CFAP74: variants seen among roughly 807,000 people sequenced by gnomAD.
The protein encoded by CFAP74 is cilia and flagella associated protein 74.
A neutral mutation model predicts 188.9 loss-of-function variants in CFAP74; 124 were observed. The observed-to-expected ratio is 0.66, with a 90% confidence interval of 0.57 to 0.76. CFAP74 has a LOEUF of 0.76. Ranked by LOEUF, CFAP74 falls within the 30% of genes least tolerant of loss-of-function variation. CFAP74 has a pLI of 0.00. For synonymous variants in CFAP74, 956 were observed against 916.7 expected, an observed-to-expected ratio of 1.04 and a Z score of -0.77; for missense variants, 2,198 against 2,165.2, an observed-to-expected ratio of 1.02 and a Z score of -0.30.
At chr1:1,957,213 G>A (rs991126630) in intron 16 of CFAP74, among the ~76,000 whole-genome samples, 3 of 152,192 alleles carry the variant, frequency 2.0e-5, no homozygotes, top group African/African-American at 4.8e-5. Context: ...CACCATGCCC[G>A]CTGTGGGCCA....
intron 10 of CFAP74, among the ~76,000 whole-genome samples, chr1:1,969,971 A>G (rs1655818440): frequency 6.6e-6 from 1 of 152,212 alleles, no homozygotes; most frequent in African/African-American, 2.4e-5. Flanking sequence ...CGTGGAGGTC[A>G]CTGGGGAGCG....
In CFAP74 at chr1:1,991,847, G is replaced by A. The variant is rs540398688; in HGVS notation, c.-19-872C>T. On this transcript the variant is annotated intron_variant, in intron 1 of 38. Transcript: ENST00000682832. Reference sequence around the variant, plus strand: ...GAGGTCAGGAGATCGAGACTATCCTGGCTAGCACAGTGAAACCCCATCTCT... The same window carrying A: ...GAGGTCAGGAGATCGAGACTATCCTAGCTAGCACAGTGAAACCCCATCTCT... Among the ~76,000 whole-genome samples, 1,020 of 151,972 alleles carry A rather than the reference G, an allele frequency of 6.7e-3. 7 individuals carry two copies. The highest frequency in any genetic ancestry group is 0.01 in the Non-Finnish European group (713 of 67,954).
chr1:1,930,428 C>T (rs977229865), intron 25 of CFAP74, 92 bp from the exon 26 acceptor site: 2 of 1,290,822 alleles, frequency 1.5e-6, no homozygotes, highest in Non-Finnish European at 2.1e-6. Flanking sequence ...AGGACAAGCC[C>T]CGGGGGGGGC....
chr1:1,997,278 CA>C (rs1284383415), intron 1 of CFAP74, among the ~76,000 whole-genome samples: 1 of 151,954 alleles, frequency 6.6e-6, no homozygotes, highest in African/African-American at 2.4e-5. Flanking sequence ...CAAAATTAGC[CA>C]GGCGTGGTGG....
At chr1:1,931,434 A>T (rs1370968723) in intron 25 of CFAP74, among the ~76,000 whole-genome samples, 40 of 65,230 alleles carry the variant, frequency 6.1e-4, no homozygotes, top group African/African-American at 2.1e-3. Flanking sequence ...CATCTCAATA[A>T]AAAAAAAAAA....
At chr1:1,987,120 T>C in intron 4 of CFAP74, 85 bp from the exon 5 acceptor site, 1 of 1,161,920 alleles carries the variant, frequency 8.6e-7, no homozygotes, top group Non-Finnish European at 1.2e-6. Flanking sequence ...TGGGGCCAGG[T>C]GAGGCAGAGC....
intron 20 of CFAP74, among the ~76,000 whole-genome samples, chr1:1,945,952 CTGTG>C (rs912105051): frequency 2.4e-5 from 3 of 125,610 alleles, no homozygotes; most frequent in Non-Finnish European, 4.9e-5. Flanking sequence ...TGTGGGGGCT[CTGTG>C]TATGTGCGTT....
At position 1,963,793 on chromosome 1, in the gene CFAP74, C is replaced by T. The variant is rs1295482452; in HGVS notation, c.1650G>A (p.Lys550=). The T allele has an allele frequency of 6.2e-7, 1 of 1,613,960 alleles. No homozygotes were observed. The highest frequency in any genetic ancestry group is 2.2e-5 in the East Asian group (1 of 44,900). The change falls in exon 14 of 39, where the codon AAG becomes AAA. Residue 550 remains lysine (K), a synonymous_variant. Transcript: ENST00000682832. ...VNTTYTINYC[K]LVGVEEHLRD... ...GGAGGTGCTCCTCCACGCCCACCAG[C>T]TTGCAGTAGTTGATCGTGTAGGTGG...
chr1:1,949,325 A>T (rs950984610), intron 18 of CFAP74, among the ~76,000 whole-genome samples: 15 of 151,654 alleles, frequency 9.9e-5, no homozygotes, highest in Admixed American at 2.6e-4. Flanking sequence ...TGTCTGGCAA[A>T]TTTTTTGTAT....
chr1:1,937,905 T>C (rs1653010693), intron 25 of CFAP74, among the ~76,000 whole-genome samples: 1 of 152,130 alleles, frequency 6.6e-6, no homozygotes, highest in South Asian at 2.1e-4. Context: ...CTGCACAGCA[T>C]GCGTGTATAC....
At chr1:1,993,519 C>G (rs1246038761) in intron 1 of CFAP74, among the ~76,000 whole-genome samples, 2 of 151,760 alleles carry the variant, frequency 1.3e-5, no homozygotes, top group Non-Finnish European at 2.9e-5. Flanking sequence ...CTTTTGGGAT[C>G]AAGTGATCCA....
intron 11 of CFAP74, among the ~76,000 whole-genome samples, chr1:1,967,357 C>A (rs373190200): frequency 7.3e-6 from 1 of 136,174 alleles, no homozygotes. Flanking sequence ...GAAGTCTGGA[C>A]GGGGCCAGCG....
chr1:1,929,078 G>A (rs563730906), intron 26 of CFAP74, among the ~76,000 whole-genome samples, 196 bp from the exon 27 acceptor site: 1 of 151,942 alleles, frequency 6.6e-6, no homozygotes, highest in African/African-American at 2.4e-5. Flanking sequence ...CTGCAGGCGG[G>A]AGCACCAAAC....
intron 6 of CFAP74, among the ~76,000 whole-genome samples, chr1:1,982,218 C>G (rs1304712186): frequency 1.4e-5 from 2 of 141,884 alleles, no homozygotes; most frequent in Non-Finnish European, 3.1e-5. Flanking sequence ...CGTGGTCACA[C>G]GCGGGGACAC....
intron 1 of CFAP74, among the ~76,000 whole-genome samples, chr1:1,999,209 G>A (rs923183927): frequency 6.6e-6 from 1 of 152,210 alleles, no homozygotes; most frequent in African/African-American, 2.4e-5. Flanking sequence ...CTTTGGACAA[G>A]ACAAACAGAC....
At chr1:1,988,761 G>T (rs745437596) in intron 3 of CFAP74, 106 bp from the exon 4 acceptor site, 33 of 1,379,034 alleles carry the variant, frequency 2.4e-5, no homozygotes, top group Non-Finnish European at 3.2e-5. Flanking sequence ...GCTTCAGGGC[G>T]GGAGCTGCGG....
chr1:1,993,002 A>G (rs1319804917), intron 1 of CFAP74, among the ~76,000 whole-genome samples: 6 of 151,098 alleles, frequency 4.0e-5, no homozygotes, highest in Non-Finnish European at 7.4e-5. Context: ...GGAATTTGAG[A>G]CCAGCCTGGC....
At chr1:1,947,084 G>A (rs1185751648) in intron 18 of CFAP74, 30 bp from the exon 19 acceptor site, 1 of 1,504,738 alleles carries the variant, frequency 6.6e-7, no homozygotes, top group East Asian at 2.5e-5. Flanking sequence ...CAGAGGTGAG[G>A]GTTGGCAGGG....
intron 24 of CFAP74, among the ~76,000 whole-genome samples, chr1:1,939,306 C>T (rs985275647): frequency 1.3e-5 from 2 of 152,222 alleles, no homozygotes; most frequent in Non-Finnish European, 2.9e-5. Context: ...AGGCTTGGGC[C>T]TCGTCCCAGC....
Sources: allele counts gnomAD v4.1 joint callset (sites outside exome capture counted in the v4.1 genomes callset), GRCh38; gene constraint gnomAD v4.1.1; transcripts MANE v1.5; gene names NCBI Gene and HGNC (gene_info 2026-07-23, HGNC 2026-07-21).